GALNT18: variants seen among roughly 807,000 people sequenced by gnomAD.
The protein encoded by GALNT18 is GalNAc-transferase 18.
Under a neutral mutation model 69.5 loss-of-function variants are expected in GALNT18, and 44 were observed. The ratio of observed to expected loss-of-function variants is 0.63; its 90% confidence interval spans 0.50 to 0.81. The LOEUF (loss-of-function observed/expected upper bound fraction) is 0.81, where lower values mean the gene tolerates loss of function less well. Among genes scored for constraint, GALNT18 ranks in the 40% least tolerant of loss-of-function variants. The pLI, the probability that GALNT18 is intolerant of heterozygous loss-of-function variation, is 0.00. For missense variants in GALNT18, 715 were observed against 810.0 expected, an observed-to-expected ratio of 0.88 and a Z score of 1.42; for synonymous variants, 364 against 318.2, an observed-to-expected ratio of 1.14 and a Z score of -1.53.
chr11:11,312,845 T>C (rs1849692752), intron 9 of GALNT18, among the ~76,000 whole-genome samples: 2 of 152,190 alleles, frequency 1.3e-5, no homozygotes, highest in South Asian at 4.1e-4. Flanking sequence ...GTGCATTGAG[T>C]GGCTTCCCTG....
At position 11,584,235 on chromosome 11, in the gene GALNT18, G is replaced by A. The variant is rs982862619; in HGVS notation, c.235+37124C>T. On this transcript the variant is annotated intron_variant, in intron 1 of 10. Coordinates refer to ENST00000227756, the MANE Select transcript of GALNT18 (RefSeq NM_198516.3). This position sits in a 1 kb window ranked among gnomAD's most constrained non-coding sequence, Gnocchi z 4.1. ...GTGTCCTTCCAGCAGCTGGGGACAG[G>A]AAGCTCGAGGATAGACACTGACCTA... Among the ~76,000 whole-genome samples the A allele has an allele frequency of 6.6e-6, 1 of 152,202 alleles. No homozygotes were observed. The highest frequency in any genetic ancestry group is 2.4e-5 in the African/African-American group (1 of 41,446).
chr11:11,442,094 G>T (rs1294812470), intron 2 of GALNT18, among the ~76,000 whole-genome samples: 1 of 152,202 alleles, frequency 6.6e-6, no homozygotes, highest in Non-Finnish European at 1.5e-5. Context: ...GGGGTGTGCA[G>T]CACTGCATTA....
intron 3 of GALNT18, among the ~76,000 whole-genome samples, chr11:11,411,349 T>C (rs1278000399): frequency 6.6e-6 from 1 of 152,040 alleles, no homozygotes; most frequent in Non-Finnish European, 1.5e-5. Context: ...AGAACTGAAA[T>C]CCCCAGGACA....
chr11:11,369,046 G>A (rs1009156184), intron 6 of GALNT18, among the ~76,000 whole-genome samples: 4 of 152,320 alleles, frequency 2.6e-5, no homozygotes, highest in South Asian at 2.1e-4. Context: ...AGTAAGGCAA[G>A]CCTTAGGCTT....
chr11:11,585,773 T>C (rs990099449), intron 1 of GALNT18, among the ~76,000 whole-genome samples: 2 of 148,810 alleles, frequency 1.3e-5, no homozygotes, highest in African/African-American at 2.5e-5. Flanking sequence ...TTTGTGAAAA[T>C]AGAAAACAAG....
intron 9 of GALNT18, among the ~76,000 whole-genome samples, chr11:11,310,856 G>A (rs1006972164): frequency 1.1e-4 from 16 of 152,184 alleles, no homozygotes; most frequent in South Asian, 4.1e-4. Context: ...ATTTATGCCC[G>A]TGATATATTC....
rs140927213 is a variant in GALNT18, at chr11:11,483,280, CCT to C, written c.236-34346_236-34345del. Among the ~76,000 whole-genome samples the C allele has an allele frequency of 9.9e-5, 15 of 152,274 alleles. No individual in the cohort carries two copies. The East Asian group carries it at 2.7e-3, about 27-fold the overall frequency. On this transcript the variant is annotated intron_variant, in intron 1 of 10. Transcript: ENST00000227756. ...TAGGGCTCCCTTCTGGGCAGCTTCCCCTGATTCCCCCGGCTGTAAGAAGCCCT... is the reference window on the plus strand; with the variant it reads ...TAGGGCTCCCTTCTGGGCAGCTTCCCGATTCCCCCGGCTGTAAGAAGCCCT...
chr11:11,471,339 T>C (rs1033208003), intron 1 of GALNT18, among the ~76,000 whole-genome samples: 2 of 152,316 alleles, frequency 1.3e-5, no homozygotes, highest in East Asian at 3.9e-4. Context: ...CGATAAGTCA[T>C]GCCCCACTTT....
rs1857879532 is a variant in GALNT18 at position 11,540,154 on chromosome 11, T to C, written c.235+81205A>G. On this transcript the variant is annotated intron_variant, in intron 1 of 10. Coordinates refer to ENST00000227756, the MANE Select transcript of GALNT18 (RefSeq NM_198516.3). The surrounding 1 kb of genome is among the most constrained non-coding windows in gnomAD (Gnocchi z 4.6). ...TTGGACTGGATTATTCTAAACATAT[T>C]TTGTGGTTCTAAAACCTCTTCTCAC... Among the ~76,000 whole-genome samples the C allele has an allele frequency of 6.6e-6, 1 of 152,178 alleles. No homozygotes were observed.
At chr11:11,368,484 C>CT (rs2133665960) in intron 6 of GALNT18, among the ~76,000 whole-genome samples, 2 of 152,312 alleles carry the variant, frequency 1.3e-5, no homozygotes, top group South Asian at 4.1e-4. Context: ...TTATAAGATA[C>CT]TAAATCCACA....
At position 11,477,318 on chromosome 11, in the gene GALNT18, G is replaced by A. The variant is rs1273640811; in HGVS notation, c.236-28382C>T. Among the ~76,000 whole-genome samples, 3 of 152,232 alleles carry A rather than the reference G, an allele frequency of 2.0e-5. No homozygotes were observed. In the East Asian group the frequency reaches 5.8e-4, roughly 29 times the overall value. ...CCAAAGGGGCAGGAACCATGTGAGG[G>A]TTGGGAGTAGCCAGTTGAAGCTGAG... On this transcript the variant is annotated intron_variant, in intron 1 of 10. Coordinates refer to ENST00000227756, the MANE Select transcript of GALNT18 (RefSeq NM_198516.3).
chr11:11,457,300 G>C (rs890424484), intron 1 of GALNT18, among the ~76,000 whole-genome samples: 3 of 152,196 alleles, frequency 2.0e-5, no homozygotes, highest in African/African-American at 7.2e-5. Context: ...CACCTTCTAG[G>C]ACCAGATCCC....
In GALNT18 at chr11:11,377,475, G is replaced by A. The variant is rs1222616271; in HGVS notation, c.780-96C>T. On this transcript the variant is annotated intron_variant, in intron 4 of 10. Coordinates refer to ENST00000227756, the MANE Select transcript of GALNT18 (RefSeq NM_198516.3). The surrounding 1 kb of genome is among the most constrained non-coding windows in gnomAD (Gnocchi z 4.6). ...GAAGGTCCTTCCCCAGCAGAAAGAG[G>A]AAGGAAGGCCTGCCCATCTCCTCTG... is the stretch of plus-strand genomic sequence containing the variant. 11 of 1,100,068 alleles carry A rather than the reference G, an allele frequency of 1.0e-5. No homozygotes were observed. In the East Asian group the frequency reaches 1.7e-4, roughly 17 times the overall value. 68.1% of individuals were successfully genotyped at this position (1,100,068 alleles called of 1,614,324 possible).
intron 9 of GALNT18, among the ~76,000 whole-genome samples, chr11:11,302,298 CAA>C (rs1849508943): frequency 6.6e-6 from 1 of 152,176 alleles, no homozygotes; most frequent in Non-Finnish European, 1.5e-5. Flanking sequence ...GAGTACAAGA[CAA>C]AGAATGGGTG....
In GALNT18 at chr11:11,582,750, T is replaced by C. The variant is rs544562563; in HGVS notation, c.235+38609A>G. On this transcript the variant is annotated intron_variant, in intron 1 of 10. Transcript: ENST00000227756. This position sits in a 1 kb window ranked among gnomAD's most constrained non-coding sequence, Gnocchi z 5.0. Reference sequence around the variant, plus strand: ...GCCTTTCAGCCCTCATCAAAGGTGATGCAACTTATTCTTCCTACAATTAAT... The same window carrying C: ...GCCTTTCAGCCCTCATCAAAGGTGACGCAACTTATTCTTCCTACAATTAAT... Among the ~76,000 whole-genome samples the C allele has an allele frequency of 2.0e-5, 3 of 152,350 alleles. No individual in the cohort carries two copies. The highest frequency in any genetic ancestry group is 3.9e-4 in the East Asian group (2 of 5,184).
At chr11:11,519,703 C>T (rs767206515) in intron 1 of GALNT18, among the ~76,000 whole-genome samples, 3 of 152,224 alleles carry the variant, frequency 2.0e-5, no homozygotes, top group Non-Finnish European at 4.4e-5. Context: ...CAGGCACTCT[C>T]CCATTCCCCT....
chr11:11,437,330 TA>T (rs569299617), intron 2 of GALNT18, among the ~76,000 whole-genome samples: 2 of 152,074 alleles, frequency 1.3e-5, no homozygotes, highest in East Asian at 1.9e-4. Flanking sequence ...CCACTAGAGA[TA>T]AAAAAAACAA....
chr11:11,289,705 G>A (rs920714724), intron 10 of GALNT18, among the ~76,000 whole-genome samples: 2 of 152,206 alleles, frequency 1.3e-5, no homozygotes, highest in Non-Finnish European at 2.9e-5. Context: ...GGACCTCAGA[G>A]CGTGGGTGGG....
chr11:11,284,906 G>GTGTTTTTTT (rs1849161646), intron 10 of GALNT18, among the ~76,000 whole-genome samples: 1 of 24,542 alleles, frequency 4.1e-5, no homozygotes, highest in Non-Finnish European at 7.4e-5. Flanking sequence ...AAAGACTTTC[G>GTGTTTTTTT]TGTTTTTTTT....
Sources: allele counts gnomAD v4.1 joint callset (sites outside exome capture counted in the v4.1 genomes callset), GRCh38; gene constraint gnomAD v4.1.1; non-coding constraint Gnocchi (gnomAD v3.1); transcripts MANE v1.5; gene names NCBI Gene and HGNC (gene_info 2026-07-23, HGNC 2026-07-21).